Variants in SYT9 observed in about 807,000 individuals in gnomAD.
SYT9 encodes the protein synaptotagmin 9, also known as synaptotagmin-9.
In SYT9, 22 loss-of-function variants were observed where a neutral mutation model predicts 48.4. The ratio of observed to expected loss-of-function variants is 0.45; its 90% CI spans 0.32 to 0.65. SYT9 has a LOEUF of 0.65. SYT9 is among the 30% of genes least tolerant of loss of function. SYT9 has a pLI of 0.03. For synonymous variants in SYT9, 265 were observed against 245.0 expected (o/e 1.08, Z -0.76); for missense variants, 577 against 622.0 (o/e 0.93, Z 0.77).
intron 3 of SYT9, among the ~76,000 whole-genome samples, chr11:7,335,415 G>C (rs1475387565): frequency 6.6e-6 from 1 of 151,906 alleles, no homozygotes; most frequent in Non-Finnish European, 1.5e-5. Flanking sequence ...TCTTCACCTG[G>C]GTACTAGGCC....
chr11:7,345,130 G>T (rs1422797799), intron 3 of SYT9, among the ~76,000 whole-genome samples: 1 of 151,886 alleles, frequency 6.6e-6, no homozygotes, highest in Non-Finnish European at 1.5e-5. Flanking sequence ...CAGGTCTCTC[G>T]AGCTCTCTCA....
chr11:7,303,253 G>T lies in SYT9; in HGVS notation c.360G>T (p.Thr120=). 1 of 1,613,894 alleles carries T rather than the reference G, an allele frequency of 6.2e-7. No individual in the cohort carries two copies. Among genetic ancestry groups the T allele is most frequent in the Non-Finnish European group, 8.5e-7 (1 of 1,179,910 alleles). ...GTGAGGACTTCCTAGATCCTCCCAC[G>T]CCCTGCCCTGACTCCTCCATGAAGA... The part of the protein sequence containing the change: ...ENSEDFLDPP[T]PCPDSSMKIS... Residue 120 remains threonine, a synonymous_variant, in exon 2 of 7, where the codon ACG becomes ACT. Coordinates refer to ENST00000318881, the MANE Select transcript of SYT9 (RefSeq NM_175733.4).
chr11:7,419,453 G>GAA (rs1564897413), intron 5 of SYT9, among the ~76,000 whole-genome samples: 1 of 148,876 alleles, frequency 6.7e-6, no homozygotes, highest in African/African-American at 2.5e-5. Flanking sequence ...TTTGCAGGAG[G>GAA]GAAAAAAAAA....
chr11:7,267,903 AT>A (rs909004052), intron 1 of SYT9, among the ~76,000 whole-genome samples: 2 of 152,042 alleles, frequency 1.3e-5, no homozygotes, highest in African/African-American at 4.8e-5. Flanking sequence ...AAGAAAGAGG[AT>A]TTAATAACAG....
chr11:7,385,370 G>A (rs1850638633), intron 3 of SYT9, among the ~76,000 whole-genome samples: 1 of 125,304 alleles, frequency 8.0e-6, no homozygotes, highest in Non-Finnish European at 1.8e-5. Context: ...GTGTGTGTGT[G>A]CGTGTGTGTC....
At chr11:7,334,200 T>A (rs913954783) in intron 3 of SYT9, among the ~76,000 whole-genome samples, 4 of 151,706 alleles carry the variant, frequency 2.6e-5, no homozygotes, top group African/African-American at 9.7e-5. Context: ...GGAAATAAAA[T>A]GGAAGAGAGA....
chr11:7,416,304 T>G lies in SYT9; in HGVS notation c.1165+142T>G, dbSNP rs1847247301. 4.2e-6 allele frequency: 4 copies of G among 943,926 alleles called. No individual in the cohort carries two copies. In the East Asian group the frequency reaches 1.0e-4, roughly 25 times the overall value. The allele number at this position is 943,926 out of a possible 1,614,324, so 58.5% of individuals were successfully genotyped here. ...CCCTAGTCCTAACACCTGTGTGACC[T>G]TGGGCAAGTCATTTTACCTCTCTGA... On this transcript the variant is annotated intron_variant, in intron 4 of 6. Transcript: ENST00000318881.
rs186084373 is a variant in SYT9 at position 7,275,509 on chromosome 11, C to T, written c.145+23178C>T. Among the ~76,000 whole-genome samples, 16 of 152,320 alleles carry T rather than the reference C, an allele frequency of 1.1e-4. No homozygotes were observed. In the East Asian group the frequency reaches 2.9e-3, roughly 28 times the overall value. On this transcript the variant is annotated intron_variant, in intron 1 of 6. Transcript: ENST00000318881. ...TTTTCTTTCATGGGTTTCTTTTCTT[C>T]TACTTGCCCCTTAAATGTTGGCATT...
At chr11:7,246,750 G>A (rs538196650) in intron 1 of SYT9, among the ~76,000 whole-genome samples, 1 of 152,278 alleles carries the variant, frequency 6.6e-6, no homozygotes, top group East Asian at 1.9e-4. Flanking sequence ...TTGGTAAATG[G>A]GGATGGTTCA....
intron 3 of SYT9, among the ~76,000 whole-genome samples, chr11:7,402,909 G>A (rs1846923930): frequency 6.6e-6 from 1 of 151,986 alleles, no homozygotes; most frequent in Admixed American, 6.6e-5. Context: ...CTTGGATTGA[G>A]CACTTTTATT....
intron 5 of SYT9, 24 bp downstream of exon 5, chr11:7,418,152 C>T (rs1847287033): frequency 6.2e-7 from 1 of 1,609,380 alleles, no homozygotes; most frequent in Non-Finnish European, 8.5e-7. Context: ...AACTCTTTTC[C>T]AGTGCAAGTT....
intron 3 of SYT9, among the ~76,000 whole-genome samples, chr11:7,321,471 T>C (rs1446003819): frequency 6.6e-6 from 1 of 152,212 alleles, no homozygotes; most frequent in African/African-American, 2.4e-5. Context: ...TATTTATTAA[T>C]TTGAATCCCT....
At chr11:7,333,545 C>T (rs1849580213) in intron 3 of SYT9, among the ~76,000 whole-genome samples, 1 of 152,154 alleles carries the variant, frequency 6.6e-6, no homozygotes, top group South Asian at 2.1e-4. Flanking sequence ...ACATTGCTAA[C>T]CTTCTTTTAT....
chr11:7,359,120 G>A (rs1336448732), intron 3 of SYT9, among the ~76,000 whole-genome samples: 27 of 142,582 alleles, frequency 1.9e-4, no homozygotes, highest in Middle Eastern at 3.2e-3. Context: ...TTGTTCTTGC[G>A]ATAGTTTACT....
At chr11:7,244,177 T>A (rs1847769336) in intron 1 of SYT9, among the ~76,000 whole-genome samples, 1 of 152,204 alleles carries the variant, frequency 6.6e-6, no homozygotes, top group African/African-American at 2.4e-5. Context: ...TGTATCTTTT[T>A]AAATTCTAAA....
intron 3 of SYT9, among the ~76,000 whole-genome samples, chr11:7,364,671 C>T (rs923179431): frequency 2.6e-5 from 4 of 152,102 alleles, no homozygotes; most frequent in Non-Finnish European, 4.4e-5. Flanking sequence ...AAATTCTCTG[C>T]TGTCTCTTCA....
At chr11:7,363,861 CT>C (rs1002886423) in intron 3 of SYT9, among the ~76,000 whole-genome samples, 44 of 151,950 alleles carry the variant, frequency 2.9e-4, no homozygotes, top group African/African-American at 9.9e-4. Context: ...AGGTAGAGCC[CT>C]TGGTGCCTGT....
At chr11:7,295,555 G>A (rs1024702662) in intron 1 of SYT9, among the ~76,000 whole-genome samples, 1 of 152,118 alleles carries the variant, frequency 6.6e-6, no homozygotes, top group Non-Finnish European at 1.5e-5. Context: ...TTTTCTTTCT[G>A]AGCCTGCACC....
At chr11:7,363,399 G>A (rs1850183009) in intron 3 of SYT9, among the ~76,000 whole-genome samples, 1 of 152,184 alleles carries the variant, frequency 6.6e-6, no homozygotes, top group Admixed American at 6.5e-5. Flanking sequence ...GTACCGAAAT[G>A]TAGAATACCA....
Sources: gnomAD v4.1 joint callset for allele counts (sites outside exome capture counted in the v4.1 genomes callset) on GRCh38, gnomAD v4.1.1 for gene constraint, MANE v1.5 for transcripts, NCBI Gene and HGNC (gene_info 2026-07-23, HGNC 2026-07-21) for gene names.